The following TRAPPC9 variants were observed in gnomAD, a reference collection of about 807,000 sequenced individuals.
The protein encoded by TRAPPC9 is IKK2 binding protein.
TRAPPC9 carries 83 observed loss-of-function variants against 124.0 expected under a neutral mutation model. The observed-to-expected ratio is 0.67, with a 90% CI of 0.56 to 0.80. The LOEUF is 0.80. Ranked by LOEUF, TRAPPC9 falls within the 30% of genes least tolerant of loss-of-function variation. TRAPPC9 has a pLI of 0.00. For missense variants in TRAPPC9, 1,302 were observed against 1,508.3 expected (o/e 0.86, Z 2.27); for synonymous variants, 638 against 617.5 (o/e 1.03, Z -0.49).
chr8:140,300,451 C>G lies in TRAPPC9; in HGVS notation c.1768+18G>C, dbSNP rs773173804. 6.2e-7 allele frequency: 1 copy of G among 1,614,032 alleles called. No homozygotes were observed. The highest frequency in any genetic ancestry group is 1.1e-5 in the South Asian group (1 of 91,074). On this transcript the variant is annotated intron_variant, in intron 11 of 22. Coordinates refer to ENST00000438773, the MANE Select transcript of TRAPPC9 (RefSeq NM_001160372.4). ...CAGGTGGCAGAGCACGGTGGGAAAG[C>G]CAGGATCGACGTCCTACCTATTTTC... is the stretch of plus-strand genomic sequence containing the variant.
intron 16 of TRAPPC9, among the ~76,000 whole-genome samples, chr8:140,242,596 A>G (rs980565046): frequency 2.0e-5 from 3 of 152,228 alleles, no homozygotes; most frequent in Non-Finnish European, 2.9e-5. Context: ...GCCAGGTGAA[A>G]AAGTCAGGAA....
chr8:139,828,065 A>G (rs1417753722), intron 21 of TRAPPC9, among the ~76,000 whole-genome samples: 1 of 152,032 alleles, frequency 6.6e-6, no homozygotes, highest in Non-Finnish European at 1.5e-5. Context: ...CCCCACCACC[A>G]ACAGTGGGAA....
chr8:140,032,015 C>T (rs931749593), intron 17 of TRAPPC9, among the ~76,000 whole-genome samples: 2 of 152,186 alleles, frequency 1.3e-5, no homozygotes, highest in African/African-American at 2.4e-5. Flanking sequence ...GCGATGAGCC[C>T]AGTGCCATAG....
At chr8:140,419,165 G>A (rs977859894) in intron 5 of TRAPPC9, among the ~76,000 whole-genome samples, 1 of 150,614 alleles carries the variant, frequency 6.6e-6, no homozygotes, top group Non-Finnish European at 1.5e-5. Context: ...GCGGTGACTC[G>A]CGCCTGTAAT....
At chr8:139,993,643 A>G (rs1406247528) in intron 18 of TRAPPC9, among the ~76,000 whole-genome samples, 1 of 152,226 alleles carries the variant, frequency 6.6e-6, no homozygotes, top group African/African-American at 2.4e-5. Flanking sequence ...GTGCACATCA[A>G]CTGGAGAGTA....
intron 4 of TRAPPC9, among the ~76,000 whole-genome samples, chr8:140,434,561 C>G (rs897012005): frequency 1.3e-5 from 2 of 152,352 alleles, no homozygotes; most frequent in Middle Eastern, 3.4e-3. Context: ...AACCTCAAGT[C>G]TGTTCTACCA....
chr8:139,746,349 G>A (rs552253097), intron 21 of TRAPPC9, among the ~76,000 whole-genome samples: 83 of 152,360 alleles, frequency 5.4e-4, no homozygotes, highest in African/African-American at 1.9e-3. Flanking sequence ...AGGGGACTTA[G>A]AGGGAAAGGA....
chr8:139,915,109 C>T (rs753463992), intron 19 of TRAPPC9, among the ~76,000 whole-genome samples: 8 of 152,134 alleles, frequency 5.3e-5, no homozygotes, highest in South Asian at 4.1e-4. Flanking sequence ...TCGTCTGCAG[C>T]GGGTGTTGGC....
intron 15 of TRAPPC9, among the ~76,000 whole-genome samples, chr8:140,272,824 C>A (rs1237215710): frequency 6.6e-6 from 1 of 151,826 alleles, no homozygotes; most frequent in Non-Finnish European, 1.5e-5. Flanking sequence ...AGACGAGCAC[C>A]CAGCCATTCA....
chr8:140,186,784 G>A (rs1481999616), intron 17 of TRAPPC9, among the ~76,000 whole-genome samples: 3 of 152,148 alleles, frequency 2.0e-5, no homozygotes, highest in Admixed American at 6.5e-5. Context: ...TGTACAGCTG[G>A]TGAAACACTT....
At chr8:140,142,176 T>C (rs1401248737) in intron 17 of TRAPPC9, among the ~76,000 whole-genome samples, 1 of 152,084 alleles carries the variant, frequency 6.6e-6, no homozygotes, top group Non-Finnish European at 1.5e-5. Flanking sequence ...TAAAAATAGC[T>C]CCCCACGCTT....
At chr8:140,219,814 AC>A (rs1204428499) in intron 17 of TRAPPC9, among the ~76,000 whole-genome samples, 26 of 152,346 alleles carry the variant, frequency 1.7e-4, no homozygotes, top group Admixed American at 1.4e-3. Context: ...TTCAGGACAA[AC>A]CAGAGAGGGC....
At chr8:139,950,052 T>A (rs1278393479) in intron 19 of TRAPPC9, among the ~76,000 whole-genome samples, 1 of 152,198 alleles carries the variant, frequency 6.6e-6, no homozygotes, top group Non-Finnish European at 1.5e-5. Context: ...TATAAAATCA[T>A]TCAAGGTAGC....
At chr8:140,436,521 A>G (rs2070819997) in intron 3 of TRAPPC9, among the ~76,000 whole-genome samples, 1 of 152,198 alleles carries the variant, frequency 6.6e-6, no homozygotes. Context: ...ATCAGCTTCT[A>G]CATTCAGTCT....
At chr8:139,801,028 C>G in intron 21 of TRAPPC9, among the ~76,000 whole-genome samples, 1 of 150,590 alleles carries the variant, frequency 6.6e-6, no homozygotes, top group Non-Finnish European at 1.5e-5. Flanking sequence ...TTCCCTCCCT[C>G]CGGTACCTTC....
intron 18 of TRAPPC9, among the ~76,000 whole-genome samples, chr8:140,023,673 C>T (rs150003070): frequency 3.9e-4 from 59 of 152,304 alleles, no homozygotes; most frequent in African/African-American, 1.3e-3. Context: ...GAGAACCACA[C>T]GTAGGAATGC....
chr8:140,163,636 G>A (rs147429735), intron 17 of TRAPPC9, among the ~76,000 whole-genome samples: 200 of 152,302 alleles, frequency 1.3e-3, no homozygotes, highest in African/African-American at 4.6e-3. Context: ...CTAGGGAAAC[G>A]TCTGAGTCCA....
In TRAPPC9 at chr8:139,958,974, G is replaced by A. The variant is rs1198049416; in HGVS notation, c.2810+29752C>T. 1.3e-4 allele frequency among the ~76,000 whole-genome samples: 19 copies of A among 151,562 alleles called. No homozygotes were observed. In the South Asian group the frequency reaches 2.7e-3, roughly 22 times the overall value. On this transcript the variant is annotated intron_variant, in intron 19 of 22. Coordinates refer to ENST00000438773, the MANE Select transcript of TRAPPC9 (RefSeq NM_001160372.4). ...GTCACACGGGGGAGCCCTGCATTCCGAGTCACACGGGGGAGCACTGCATTC... is the reference window on the plus strand; with the variant it reads ...GTCACACGGGGGAGCCCTGCATTCCAAGTCACACGGGGGAGCACTGCATTC...
At chr8:139,930,107 C>A (rs1409858402) in intron 19 of TRAPPC9, among the ~76,000 whole-genome samples, 1 of 152,234 alleles carries the variant, frequency 6.6e-6, no homozygotes, top group South Asian at 2.1e-4. Context: ...AGGGGCTGAA[C>A]AAGCATAACT....
Sources: gnomAD v4.1 joint callset for allele counts (sites outside exome capture counted in the v4.1 genomes callset) on GRCh38, gnomAD v4.1.1 for gene constraint, MANE v1.5 for transcripts, NCBI Gene and HGNC (gene_info 2026-07-23, HGNC 2026-07-21) for gene names.